The following EPHA5 variants were observed in gnomAD, a reference collection of about 807,000 sequenced individuals.
EPHA5 encodes EPH receptor A5.
In EPHA5, 60 loss-of-function variants were observed where a neutral mutation model predicts 105.0. The ratio of observed to expected loss-of-function variants is 0.57; its 90% CI spans 0.46 to 0.71. EPHA5 has a LOEUF of 0.71. Among genes scored for constraint, EPHA5 ranks in the 30% least tolerant of loss-of-function variants. The pLI, the probability that EPHA5 is intolerant of heterozygous loss-of-function variation, is 0.00. For synonymous variants in EPHA5, 513 were observed against 449.1 expected (o/e 1.14, Z -1.80); for missense variants, 1,218 against 1,274.7 (o/e 0.96, Z 0.68).
intron 3 of EPHA5, among the ~76,000 whole-genome samples, chr4:65,549,715 G>A (rs1469253544): frequency 6.6e-6 from 1 of 152,116 alleles, no homozygotes; most frequent in Non-Finnish European, 1.5e-5. Flanking sequence ...TGATATAGAA[G>A]AGACTCACAG....
intron 3 of EPHA5, among the ~76,000 whole-genome samples, chr4:65,507,577 C>G (rs1315864231): frequency 1.3e-5 from 2 of 152,056 alleles, no homozygotes; most frequent in Non-Finnish European, 2.9e-5. Flanking sequence ...TGAAGAGGTC[C>G]TTCACATCCC....
At chr4:65,358,882 C>A (rs113691694) in intron 11 of EPHA5, among the ~76,000 whole-genome samples, 2,205 of 151,474 alleles carry the variant, frequency 0.015, 53 homozygotes, top group African/African-American at 0.05. Context: ...GAATGTTTAC[C>A]TTGATATAAA....
rs1385418457 is a variant in EPHA5, at chr4:65,507,408, C to T, written c.911-11865G>A. 2.6e-5 allele frequency among the ~76,000 whole-genome samples: 4 copies of T among 151,932 alleles called. No individual in the cohort carries two copies. In the East Asian group the frequency reaches 7.7e-4, roughly 29 times the overall value. On this transcript the variant is annotated intron_variant, in intron 3 of 16. Transcript: ENST00000613740. ...GTTTTTTCCAATTCTGTGAAGAAAGCCATTGGTAGCTTAATGGGGATGGCA... is the reference window on the plus strand; with the variant it reads ...GTTTTTTCCAATTCTGTGAAGAAAGTCATTGGTAGCTTAATGGGGATGGCA...
chr4:65,605,750 A>C (rs2149447998), intron 2 of EPHA5, among the ~76,000 whole-genome samples: 1 of 152,208 alleles, frequency 6.6e-6, no homozygotes, highest in Admixed American at 6.5e-5. Context: ...TCTTGTATAG[A>C]AGAAAAGTAC....
At chr4:65,608,435 C>T (rs1235072416) in intron 2 of EPHA5, among the ~76,000 whole-genome samples, 4 of 151,398 alleles carry the variant, frequency 2.6e-5, no homozygotes, top group South Asian at 2.1e-4. Context: ...ACCCATGAGG[C>T]GGAGCCTGCA....
intron 8 of EPHA5, among the ~76,000 whole-genome samples, chr4:65,397,009 A>T (rs2148970008): frequency 6.6e-6 from 1 of 152,310 alleles, no homozygotes; most frequent in Non-Finnish European, 1.5e-5. Context: ...CCTTGGATAG[A>T]CCTGTTAACT....
chr4:65,542,983 T>A (rs1220196843), intron 3 of EPHA5, among the ~76,000 whole-genome samples: 3 of 152,006 alleles, frequency 2.0e-5, no homozygotes, highest in Non-Finnish European at 2.9e-5. Context: ...CATGATTATC[T>A]CCATAGATGC....
At chr4:65,566,080 G>C (rs555106720) in intron 3 of EPHA5, among the ~76,000 whole-genome samples, 1 of 151,750 alleles carries the variant, frequency 6.6e-6, no homozygotes, top group Non-Finnish European at 1.5e-5. Flanking sequence ...ATTACAAAGA[G>C]ACCTCTGTGG....
Position 65,320,729 on chromosome 4 carries a change from A to G in EPHA5, c.*3385T>C, listed in dbSNP as rs1719577817. On this transcript the variant is annotated 3_prime_UTR_variant, in exon 17 of 17. Coordinates refer to ENST00000613740, the MANE Select transcript of EPHA5 (RefSeq NM_001281766.3). ...TCAAATGATATTAACTTTCCATTTT[A>G]AACTTGAAACATGAAACTGTGTCTT... 1 of 230,298 alleles carries G rather than the reference A, an allele frequency of 4.3e-6. No homozygotes were observed. The highest frequency in any genetic ancestry group is 8.6e-6 in the Non-Finnish European group (1 of 116,098). 14.3% of individuals were successfully genotyped at this position (230,298 alleles called of 1,614,324 possible).
At chr4:65,404,262 T>C (rs1722136798) in intron 8 of EPHA5, 112 bp downstream of exon 8, 2 of 727,448 alleles carry the variant, frequency 2.7e-6, no homozygotes, top group African/African-American at 1.8e-5. Flanking sequence ...GATTATCTGC[T>C]GATATATTGC....
chr4:65,452,909 A>C lies in EPHA5; in HGVS notation c.1403-32344T>G, dbSNP rs541382586. 7.2e-5 allele frequency among the ~76,000 whole-genome samples: 11 copies of C among 152,320 alleles called. 1 individual carries two copies. The South Asian group carries it at 2.1e-3, about 29-fold the overall frequency. The stretch of plus-strand genomic sequence containing the variant: ...GAAGAAGAAAAATCCTCCAAAAAGA[A>C]GAAATTGTGCTGACTTGGTCAGCAT... On this transcript the variant is annotated intron_variant, in intron 5 of 16. Coordinates refer to ENST00000613740, the MANE Select transcript of EPHA5 (RefSeq NM_001281766.3).
intron 3 of EPHA5, among the ~76,000 whole-genome samples, chr4:65,547,169 A>G (rs1444648282): frequency 6.6e-6 from 1 of 152,054 alleles, no homozygotes; most frequent in Non-Finnish European, 1.5e-5. Context: ...TCACAAACAC[A>G]GAGTAAACAG....
At chr4:65,353,787 C>T (rs1450437736) in intron 11 of EPHA5, among the ~76,000 whole-genome samples, 1 of 151,700 alleles carries the variant, frequency 6.6e-6, no homozygotes, top group East Asian at 1.9e-4. Flanking sequence ...TTTTGTAACT[C>T]CTTTCCTTAT....
chr4:65,361,084 G>T (rs1717261686), intron 11 of EPHA5, among the ~76,000 whole-genome samples: 1 of 151,606 alleles, frequency 6.6e-6, no homozygotes, highest in African/African-American at 2.4e-5. Flanking sequence ...GAACACACAA[G>T]TGAGCAAAAC....
At chr4:65,648,606 AAG>A (rs1328807844) in intron 1 of EPHA5, among the ~76,000 whole-genome samples, 1 of 152,236 alleles carries the variant, frequency 6.6e-6, no homozygotes, top group Non-Finnish European at 1.5e-5. Context: ...ACAGTATGAA[AAG>A]AGAACAATTT....
chr4:65,612,187 T>C (rs1228577197), intron 2 of EPHA5, among the ~76,000 whole-genome samples: 1 of 152,154 alleles, frequency 6.6e-6, no homozygotes, highest in East Asian at 1.9e-4. Flanking sequence ...GCTCTTTTGT[T>C]GCATGGATAT....
intron 6 of EPHA5, 131 bp from the exon 7 acceptor site, chr4:65,414,574 G>GA (rs997303386): frequency 2.0e-6 from 2 of 1,002,800 alleles, no homozygotes; most frequent in Non-Finnish European, 2.9e-6. Flanking sequence ...TAACATTTTA[G>GA]AAAAAAATCC....
At chr4:65,603,297 T>G (rs1188181530) in intron 2 of EPHA5, among the ~76,000 whole-genome samples, 3 of 150,990 alleles carry the variant, frequency 2.0e-5, no homozygotes, top group Non-Finnish European at 4.4e-5. Context: ...AATTTTTATT[T>G]TTCATAAAGA....
At chr4:65,546,663 T>G (rs1252708032) in intron 3 of EPHA5, among the ~76,000 whole-genome samples, 3 of 152,048 alleles carry the variant, frequency 2.0e-5, no homozygotes, top group African/African-American at 4.8e-5. Flanking sequence ...ATTCTAGGTC[T>G]ATGACATTAA....
Sources: gnomAD v4.1 joint callset for allele counts (sites outside exome capture counted in the v4.1 genomes callset) on GRCh38, gnomAD v4.1.1 for gene constraint, MANE v1.5 for transcripts, NCBI Gene and HGNC (gene_info 2026-07-23, HGNC 2026-07-21) for gene names.